The following MUC3A variants were observed in gnomAD, a reference collection of about 807,000 sequenced individuals.
The protein encoded by MUC3A is mucin 3A, cell surface associated, also known as mucin-3A.
A neutral mutation model predicts 109.0 loss-of-function variants in MUC3A; 109 were observed. The ratio of observed to expected loss-of-function variants is 1.00; its 90% CI spans 0.86 to 1.17. The LOEUF is 1.17. Among genes scored for constraint, MUC3A ranks in the 50% most tolerant of loss-of-function variants. The pLI, the probability that MUC3A is intolerant of heterozygous loss-of-function variation, is 0.00. For synonymous variants in MUC3A, 1,398 were observed against 981.4 expected (o/e 1.42, Z -7.93); for missense variants, 3,537 against 2,469.4 (o/e 1.43, Z -9.16).
At chr7:100,964,061 TAGAA>T (rs1157747382) in intron 5 of MUC3A, 68 of 550,858 alleles carry the variant, frequency 1.2e-4, no homozygotes, top group South Asian at 7.6e-4. Context: ...GGGTCAGCAT[TAGAA>T]AGAGAGAGAG....
rs1554460079 is a variant in MUC3A at position 100,964,590 on chromosome 7, G to GC, written c.9234-104dup. Reference sequence around the variant, plus strand: ...CGTGGCATCCCAACTCATGACCTCTGCTCCCTTCCCCCTTCTGGTGCACTT... The same window carrying GC: ...CGTGGCATCCCAACTCATGACCTCTGCCTCCCTTCCCCCTTCTGGTGCACTT... On this transcript the variant is annotated intron_variant, in intron 5 of 11. Coordinates refer to ENST00000379458, the MANE Select transcript of MUC3A (RefSeq NM_005960.2). 13 of 1,480,328 alleles carry GC rather than the reference G, an allele frequency of 8.8e-6. No individual in the cohort carries two copies. The Admixed American group carries it at 2.3e-4, about 27-fold the overall frequency. 91.7% of individuals were successfully genotyped at this position (1,480,328 alleles called of 1,614,324 possible).
Position 100,965,839 on chromosome 7 carries a change from T to A in MUC3A, c.9584T>A (p.Val3195Asp). The change falls in exon 8 of 12, where the codon GTT becomes GAT. Residue 3195 changes from valine (V) to aspartate (D), a missense_variant. By Grantham distance (152) the Val-to-Asp change is radical. Transcript: ENST00000379458. ...NAIDCHQGQC[V>D]LETSGPTCRC... ...ATCGACTGTCACCAGGGCCAGTGCG[T>A]TCTGGAGACGAGCGGTCCCACGTGT... 6.3e-7 allele frequency: 1 copy of A among 1,596,510 alleles called. No individual in the cohort carries two copies.
At chr7:100,964,090 G>T in intron 5 of MUC3A, 1 of 485,918 alleles carries the variant, frequency 2.1e-6, no homozygotes, top group South Asian at 2.4e-5. Flanking sequence ...AGAGAGAGAG[G>T]GAGAGAACGC....
Position 100,949,821 on chromosome 7 carries a change from A to G in MUC3A, c.61+136A>G, listed in dbSNP as rs558701092. 6.7e-4 allele frequency: 472 copies of G among 702,650 alleles called. 2 individuals are homozygous for G. Among genetic ancestry groups the G allele is most frequent in the Non-Finnish European group, 8.8e-4 (436 of 497,196 alleles). The allele number at this position is 702,650 out of a possible 1,614,324, so 43.5% of individuals were successfully genotyped here. On this transcript the variant is annotated intron_variant, in intron 1 of 11. Coordinates refer to ENST00000379458, the MANE Select transcript of MUC3A (RefSeq NM_005960.2). ...GCTTGGGGCTCTGGGTGCAGGGAGA[A>G]CCGAGGCACGGCCTGACTGGGGGAG... is the stretch of plus-strand genomic sequence containing the variant.
In MUC3A at chr7:100,966,838, C is replaced by T. The variant is rs1201937969; in HGVS notation, c.9878-61C>T. ...CTGCCTTCCTCGCATTTACTCCGTC[C>T]CCCTCTCCCTTCCGTCCCCTCCCTC... On this transcript the variant is annotated intron_variant, in intron 10 of 11. Transcript: ENST00000379458. The T allele has an allele frequency of 2.4e-5, 39 of 1,598,304 alleles. No individual in the cohort carries two copies. The South Asian group carries it at 3.8e-4, about 16-fold the overall frequency.
chr7:100,966,243 A>AGACCCGTCCGCCTG, intron 8 of MUC3A, 143 bp from the exon 9 acceptor site: 1 of 827,614 alleles, frequency 1.2e-6, no homozygotes, highest in Non-Finnish European at 1.6e-6. Flanking sequence ...TCTAGGGTGG[A>AGACCCGTCCGCCTG]TTCCCAGCCC....
Position 100,966,509 on chromosome 7 carries a change from G to C in MUC3A, c.9735G>C (p.Leu3245=). Residue 3245 remains leucine, a synonymous_variant, in exon 9 of 12, where the codon CTG becomes CTC. Transcript: ENST00000379458. ...TGCTGGTGCTGCTGCTGCTGGCGCT[G>C]GGCGTCCGGGCGGTGCGCTCCGGAT... ...AALLVLLLLA[L]GVRAVRSGWW... 1.5e-6 allele frequency: 2 copies of C among 1,300,276 alleles called. No homozygotes were observed. The highest frequency in any genetic ancestry group is 1.9e-6 in the Non-Finnish European group (2 of 1,033,668). The allele number at this position is 1,300,276 out of a possible 1,614,324, so 80.5% of individuals were successfully genotyped here. A position where few individuals can be genotyped will look rare whatever the true frequency, so the allele number is the denominator to read the frequency against.
chr7:100,966,021 GTGGAGCCCTGCCC>G, intron 8 of MUC3A, 155 bp downstream of exon 8: 1 of 1,131,704 alleles, frequency 8.8e-7, no homozygotes, highest in Non-Finnish European at 1.1e-6. Context: ...TTGCCCTACA[GTGGAGCCCTGCCC>G]TGGAGCTCTG....
intron 5 of MUC3A, 63 bp downstream of exon 5, chr7:100,963,815 A>T (rs1025975842): frequency 5.3e-3 from 8,434 of 1,580,178 alleles, no homozygotes; most frequent in Middle Eastern, 0.04. Flanking sequence ...GCACACAAAA[A>T]ACCCATTCCT....
intron 5 of MUC3A, 179 bp from the exon 6 acceptor site, chr7:100,964,516 C>A: frequency 9.7e-7 from 1 of 1,028,216 alleles, no homozygotes; most frequent in South Asian, 2.0e-5. Context: ...CCTGCCTTCC[C>A]AGGCAGACCA....
At chr7:100,962,098 G>A (rs1240662938) in intron 3 of MUC3A, among the ~76,000 whole-genome samples, 1 of 103,342 alleles carries the variant, frequency 9.7e-6, no homozygotes, top group Non-Finnish European at 2.2e-5. Context: ...CGGGCGTAGT[G>A]GCGGGCGCCT....
At position 100,966,578 on chromosome 7, in the gene MUC3A, G is replaced by T; in HGVS notation, c.9785+19G>T. 6.4e-7 allele frequency: 1 copy of T among 1,566,728 alleles called. No homozygotes were observed. Among genetic ancestry groups the T allele is most frequent in the Non-Finnish European group, 8.6e-7 (1 of 1,164,768 alleles). On this transcript the variant is annotated intron_variant, in intron 9 of 11. Transcript: ENST00000379458. The stretch of plus-strand genomic sequence containing the variant: ...GAGGCCGGTGAGCGTGCGGGGGGCG[G>T]GGCCGGGGGGCGAGGGCAGCCAAGG...
rs35420758 is a variant in MUC3A at position 100,952,225 on chromosome 7, C to A, written c.446C>A (p.Thr149Lys). Residue 149 changes from threonine to lysine, a missense_variant, in exon 2 of 12, where the codon ACG becomes AAG. Coordinates refer to ENST00000379458, the MANE Select transcript of MUC3A (RefSeq NM_005960.2). ...SHPTSICVTTTQVAFTSSYTS... is the reference protein window; with the variant it reads ...SHPTSICVTTKQVAFTSSYTS... ...CCCACCTCCATCTGTGTGACCACGA[C>A]GCAGGTGGCCTTCACCAGCTCTTAC... is the stretch of plus-strand genomic sequence containing the variant. 1.3e-6 allele frequency: 2 copies of A among 1,595,354 alleles called. No individual in the cohort carries two copies. The highest frequency in any genetic ancestry group is 4.5e-5 in the East Asian group (2 of 44,888).
Position 100,952,444 on chromosome 7 carries a change from C to T in MUC3A, c.665C>T (p.Thr222Ile). 1 of 1,598,592 alleles carries T rather than the reference C, an allele frequency of 6.3e-7. No homozygotes were observed. Among genetic ancestry groups the T allele is most frequent in the Non-Finnish European group, 8.5e-7 (1 of 1,179,808 alleles). Residue 222 changes from threonine to isoleucine, a missense_variant, in exon 2 of 12, where the codon ACA becomes ATA. Transcript: ENST00000379458. ...DTTFHTTISSTTRTTERTPLP... is the reference protein window; with the variant it reads ...DTTFHTTISSITRTTERTPLP... ...ACCTTCCACACTACAATCTCGTCTA[C>T]AACTAGAACCACAGAAAGGACTCCC... is the stretch of plus-strand genomic sequence containing the variant.
rs1358794129 is a variant in MUC3A, at chr7:100,957,359, C to T, written c.5580C>T (p.Thr1860=). 1 of 638,032 alleles carries T rather than the reference C, an allele frequency of 1.6e-6. No homozygotes were observed. The highest frequency in any genetic ancestry group is 2.7e-6 in the Non-Finnish European group (1 of 369,806). 39.5% of individuals were successfully genotyped at this position (638,032 alleles called of 1,614,324 possible). A position where few individuals can be genotyped will look rare whatever the true frequency, so the allele number is the denominator to read the frequency against. ...TDSTTRTTYS[T]NMTGTLSTVT... ...CCACGACCAGAACCACCTATTCCAC[C>T]AATATGACAGGTACATTGTCCACTG... Residue 1860 remains threonine (T), a synonymous_variant, in exon 2 of 12, where the codon ACC becomes ACT. Transcript: ENST00000379458.
chr7:100,964,563 C>T (rs1792456545), intron 5 of MUC3A, 132 bp from the exon 6 acceptor site: 13 of 1,395,780 alleles, frequency 9.3e-6, no homozygotes, highest in Non-Finnish European at 1.2e-5. Context: ...GAAAAGGATG[C>T]ACGTGGCATC....
At position 100,966,553 on chromosome 7, in the gene MUC3A, G is replaced by T. The variant is rs1384369142; in HGVS notation, c.9779G>T (p.Arg3260Leu). 48 of 1,421,972 alleles carry T rather than the reference G, an allele frequency of 3.4e-5. No individual in the cohort carries two copies. The highest frequency in any genetic ancestry group is 1.4e-4 in the East Asian group (5 of 36,534). The allele number at this position is 1,421,972 out of a possible 1,614,324, so 88.1% of individuals were successfully genotyped here. Residue 3260 changes from arginine (R) to leucine (L), a missense_variant, in exon 9 of 12, where the codon CGA becomes CTA. Coordinates refer to ENST00000379458, the MANE Select transcript of MUC3A (RefSeq NM_005960.2). The part of the protein sequence containing the change: ...VRSGWWGGQR[R>L]GRSWDQDRKW... The stretch of plus-strand genomic sequence containing the variant: ...TCCGGATGGTGGGGCGGCCAGCGCC[G>T]AGGCCGGTGAGCGTGCGGGGGGCGG...
Position 100,954,510 on chromosome 7 carries a change from T to A in MUC3A, c.2731T>A (p.Ser911Thr), listed in dbSNP as rs1336515880. The A allele has an allele frequency of 1.9e-4, 3 of 15,642 alleles. No homozygotes were observed. The highest frequency in any genetic ancestry group is 2.8e-3 in the East Asian group (2 of 712). 1.0% of individuals were successfully genotyped at this position (15,642 alleles called of 1,614,324 possible). A position where few individuals can be genotyped will look rare whatever the true frequency, so the allele number is the denominator to read the frequency against. The change falls in exon 2 of 12, where the codon TCT (serine) becomes ACT (threonine). Residue 911 changes from serine (S) to threonine (T), a missense_variant. Ser to Thr is a moderately conservative substitution (Grantham distance 58). Transcript: ENST00000379458. Reference protein sequence around the residue: ...LTSFPMTHSFSSSMSESSAGT... With the variant: ...LTSFPMTHSFTSSMSESSAGT... ...AAGCTTTCCAATGACACATTCATTCTCTTCTTCTATGTCTGAAAGTAGTGC... is the reference window on the plus strand; with the variant it reads ...AAGCTTTCCAATGACACATTCATTCACTTCTTCTATGTCTGAAAGTAGTGC...
intron 5 of MUC3A, chr7:100,964,093 G>T: frequency 2.1e-6 from 1 of 483,132 alleles, no homozygotes; most frequent in Non-Finnish European, 3.7e-6. Context: ...GAGAGAGGGA[G>T]AGAACGCACG....
Sources: allele counts gnomAD v4.1 joint callset (sites outside exome capture counted in the v4.1 genomes callset), GRCh38; gene constraint gnomAD v4.1.1; transcripts MANE v1.5; gene names NCBI Gene and HGNC (gene_info 2026-07-23, HGNC 2026-07-21).